ANXA8: variants seen among roughly 807,000 people sequenced by gnomAD.
The protein encoded by ANXA8 is annexin A8.
In ANXA8, 9 loss-of-function variants were observed where a neutral mutation model predicts 26.8. That is an observed-to-expected ratio of 0.34 (90% confidence interval 0.20 to 0.59). The LOEUF (loss-of-function observed/expected upper bound fraction) is 0.59, where lower values mean the gene tolerates loss of function less well. ANXA8 is among the 20% of genes least tolerant of loss of function. The pLI is 0.84. For missense variants in ANXA8, 83 were observed against 238.5 expected, an observed-to-expected ratio of 0.35 and a Z score of 4.29; for synonymous variants, 39 against 94.8, an observed-to-expected ratio of 0.41 and a Z score of 3.42.
the ANXA8 span, among the ~76,000 whole-genome samples, chr10:47,704,041 G>T: frequency 1.4e-5 from 2 of 141,102 alleles, 1 homozygote; most frequent in African/African-American, 4.9e-5. Flanking sequence ...GACTAGAGGA[G>T]ACCAAAGAGA....
the ANXA8 span, chr10:47,689,560 T>C: frequency 1.9e-6 from 1 of 522,474 alleles, no homozygotes; most frequent in Non-Finnish European, 3.3e-6. Context: ...ATTTATATAA[T>C]TAAATGGCAT....
chr10:47,622,265 A>G, the ANXA8 span, among the ~76,000 whole-genome samples: 2 of 111,602 alleles, frequency 1.8e-5, 1 homozygote, highest in Admixed American at 1.9e-4. Context: ...CAGATGATCC[A>G]TGCTCCCTGA....
the ANXA8 span, among the ~76,000 whole-genome samples, chr10:47,674,507 A>G: frequency 6.6e-6 from 1 of 151,556 alleles, no homozygotes; most frequent in Non-Finnish European, 1.5e-5. Flanking sequence ...GACCTTGATC[A>G]TCTGGTTGAG....
chr10:47,952,021 G>A, the ANXA8 span, among the ~76,000 whole-genome samples: 1 of 150,404 alleles, frequency 6.6e-6, no homozygotes, highest in Non-Finnish European at 1.5e-5. Context: ...GATCTAGATA[G>A]ATGTTATAAA....
the ANXA8 span, chr10:47,502,296 G>A: frequency 6.2e-7 from 1 of 1,601,658 alleles, no homozygotes; most frequent in Admixed American, 1.7e-5. Context: ...CCTCCTCACG[G>A]GAGCCATGTG....
chr10:47,672,884 T>A, the ANXA8 span, among the ~76,000 whole-genome samples: 4 of 151,524 alleles, frequency 2.6e-5, no homozygotes, highest in African/African-American at 9.8e-5. Flanking sequence ...GGATAAGAAG[T>A]ACGGTTTCTA....
intron 4 of ANXA8, 75 bp from the exon 5 acceptor site, chr10:47,476,397 G>A: frequency 2.1e-6 from 1 of 485,738 alleles, no homozygotes; most frequent in Non-Finnish European, 3.6e-6. Flanking sequence ...CTTTTCTCAA[G>A]ATGCCTGAGC....
At chr10:47,956,635 C>A in the ANXA8 span, among the ~76,000 whole-genome samples, 1 of 150,960 alleles carries the variant, frequency 6.6e-6, no homozygotes, top group Non-Finnish European at 1.5e-5. Context: ...CACTGGCGTT[C>A]CCAGTCTCTC....
At chr10:47,943,501 G>A in the ANXA8 span, among the ~76,000 whole-genome samples, 2 of 146,206 alleles carry the variant, frequency 1.4e-5, no homozygotes, top group Non-Finnish European at 3.0e-5. Flanking sequence ...CTTGGCAGAA[G>A]GCCAGGGCTA....
At chr10:47,696,200 G>T in the ANXA8 span, among the ~76,000 whole-genome samples, 3 of 151,796 alleles carry the variant, frequency 2.0e-5, no homozygotes, top group Non-Finnish European at 4.4e-5. Context: ...TGAATATAAA[G>T]AAGCAATTTT....
chr10:47,959,142 A>AG, the ANXA8 span, among the ~76,000 whole-genome samples: 1 of 145,066 alleles, frequency 6.9e-6, no homozygotes, highest in African/African-American at 2.7e-5. Context: ...CCCAGAGGGT[A>AG]GGGGGAGAAC....
At chr10:47,733,217 C>CTT in the ANXA8 span, among the ~76,000 whole-genome samples, 13 of 71,360 alleles carry the variant, frequency 1.8e-4, 1 homozygote, top group Admixed American at 3.1e-4. Context: ...TTCTTTCTTT[C>CTT]TTTCTCTTTC....
At chr10:47,608,046 G>A in the ANXA8 span, among the ~76,000 whole-genome samples, 1 of 148,696 alleles carries the variant, frequency 6.7e-6, no homozygotes, top group Non-Finnish European at 1.5e-5. Flanking sequence ...AGGGGAGAAG[G>A]TCTTTCTCAT....
chr10:47,666,304 T>C, the ANXA8 span, among the ~76,000 whole-genome samples: 1 of 150,296 alleles, frequency 6.7e-6, no homozygotes, highest in African/African-American at 2.5e-5. Flanking sequence ...TCAAGATCAT[T>C]GTGACAGTGA....
the ANXA8 span, among the ~76,000 whole-genome samples, chr10:47,989,409 G>A: frequency 1.4e-4 from 17 of 122,158 alleles, 2 homozygotes; most frequent in Non-Finnish European, 2.8e-4. Context: ...GCAGGGGTGC[G>A]GTAGGTCTCA....
the ANXA8 span, among the ~76,000 whole-genome samples, chr10:47,733,272 T>TTTCTTTC: frequency 8.6e-6 from 1 of 116,474 alleles, no homozygotes; most frequent in Non-Finnish European, 1.7e-5. Flanking sequence ...TCTTTCTTTC[T>TTTCTTTC]TTCTTTCTTT....
the ANXA8 span, among the ~76,000 whole-genome samples, chr10:47,703,316 C>G: frequency 2.0e-5 from 3 of 151,600 alleles, no homozygotes; most frequent in Middle Eastern, 3.4e-3. Flanking sequence ...GCCTATAATC[C>G]CAGCACTTTG....
At chr10:47,744,422 T>TGGGGGGGGATGGGGGAAGGGGGGGG in the ANXA8 span, among the ~76,000 whole-genome samples, 2 of 11,728 alleles carry the variant, frequency 1.7e-4, no homozygotes, top group Non-Finnish European at 1.5e-4. Context: ...GGGGGGGGGG[T>TGGGGGGGGATGGGGGAAGGGGGGGG]TGGGGGGGAG....
the ANXA8 span, among the ~76,000 whole-genome samples, chr10:47,895,305 A>AAG: frequency 6.6e-6 from 1 of 152,192 alleles, no homozygotes; most frequent in Non-Finnish European, 1.5e-5. Context: ...GGGACACCCC[A>AAG]AGAAACGGGT....
Sources: allele counts gnomAD v4.1 joint callset (sites outside exome capture counted in the v4.1 genomes callset), GRCh38; gene constraint gnomAD v4.1.1; transcripts MANE v1.5; gene names NCBI Gene and HGNC (gene_info 2026-07-23, HGNC 2026-07-21).